SGK1: variants seen among roughly 807,000 people sequenced by gnomAD.
The protein encoded by SGK1 is serum/glucocorticoid regulated kinase 1.
In SGK1, 26 loss-of-function variants were observed where a neutral mutation model predicts 64.2. The observed-to-expected ratio is 0.40, with a 90% confidence interval of 0.30 to 0.56. The LOEUF is 0.56. SGK1 is among the 20% of genes least tolerant of loss of function. The probability of loss-of-function intolerance (pLI) is 0.38; values close to 1 mark genes in which losing one functional copy is unlikely to be tolerated. For missense variants in SGK1, 519 were observed against 645.6 expected (o/e 0.80, Z 2.12); for synonymous variants, 265 against 239.7 (o/e 1.11, Z -0.98).
At chr6:134,188,740 C>CT (rs529237115) in intron 3 of SGK1, among the ~76,000 whole-genome samples, 21 of 148,234 alleles carry the variant, frequency 1.4e-4, no homozygotes, top group Non-Finnish European at 2.2e-4. Context: ...GCCTGGCCAA[C>CT]TTTTTTTTTT....
intron 1 of SGK1, among the ~76,000 whole-genome samples, chr6:134,301,096 A>C (rs1470488213): frequency 6.6e-6 from 1 of 152,202 alleles, no homozygotes. Flanking sequence ...AAAAATCAAG[A>C]GTTGGGTTTT....
At chr6:134,244,069 C>T (rs1776488417) in intron 2 of SGK1, among the ~76,000 whole-genome samples, 1 of 152,054 alleles carries the variant, frequency 6.6e-6, no homozygotes, top group Non-Finnish European at 1.5e-5. Flanking sequence ...TGGTGATTTG[C>T]TGCACCCATC....
chr6:134,305,294 G>T (rs1777517383), intron 1 of SGK1, among the ~76,000 whole-genome samples: 1 of 149,344 alleles, frequency 6.7e-6, no homozygotes, highest in African/African-American at 2.5e-5. Flanking sequence ...CAGAGGCGGA[G>T]GTTGCAGTGA....
chr6:134,171,531 G>A, intron 11 of SGK1, 106 bp downstream of exon 11: 1 of 740,060 alleles, frequency 1.4e-6, no homozygotes, highest in Non-Finnish European at 2.3e-6. Context: ...AGCTGCTTTT[G>A]ATAAGCGTAC....
intron 1 of SGK1, chr6:134,283,245 C>A (rs1380773313): frequency 6.6e-6 from 1 of 151,830 alleles, no homozygotes; most frequent in African/African-American, 2.4e-5. Context: ...AATCCTAGCA[C>A]TTTGGGAGGC....
chr6:134,290,806 C>T (rs1777253223), intron 1 of SGK1, among the ~76,000 whole-genome samples: 1 of 152,194 alleles, frequency 6.6e-6, no homozygotes. Flanking sequence ...TGGGCCACCT[C>T]CTATAAACTA....
chr6:134,232,465 A>AAG (rs1491077458), intron 2 of SGK1, among the ~76,000 whole-genome samples: 11 of 58,244 alleles, frequency 1.9e-4, no homozygotes, highest in East Asian at 4.8e-4. Context: ...GAAAGAAAGA[A>AAG]AGAAAGAAAG....
intron 2 of SGK1, among the ~76,000 whole-genome samples, chr6:134,253,645 C>G (rs1776638576): frequency 6.6e-6 from 1 of 152,030 alleles, no homozygotes; most frequent in Non-Finnish European, 1.5e-5. Context: ...AGAGTGAGAC[C>G]TTGTCTCAAA....
chr6:134,244,601 G>A (rs1776496650), intron 2 of SGK1, among the ~76,000 whole-genome samples: 1 of 152,124 alleles, frequency 6.6e-6, no homozygotes, highest in African/African-American at 2.4e-5. Context: ...CCCGGGTAAG[G>A]CAACGCCCCC....
intron 2 of SGK1, among the ~76,000 whole-genome samples, chr6:134,220,458 C>G (rs901496101): frequency 1.3e-5 from 2 of 152,084 alleles, no homozygotes; most frequent in African/African-American, 4.8e-5. Context: ...TATTTTAGAG[C>G]GGAGTTGGTA....
chr6:134,243,810 T>A (rs189953086), intron 2 of SGK1, among the ~76,000 whole-genome samples: 1 of 152,348 alleles, frequency 6.6e-6, no homozygotes, highest in African/African-American at 2.4e-5. Flanking sequence ...CTCATCAATC[T>A]ATGGATAATT....
Position 134,248,388 on chromosome 6 carries a change from T to C in SGK1, c.285+13545A>G, listed in dbSNP as rs912842966. Among the ~76,000 whole-genome samples, 3 of 147,598 alleles carry C rather than the reference T, an allele frequency of 2.0e-5. No individual in the cohort carries two copies. In the South Asian group the frequency reaches 6.6e-4, roughly 33 times the overall value. ...CAAGGTCAATAATGTCATCTTCCCA[T>C]ACAGAGACAGATGACACACATGCAG... On this transcript the variant is annotated intron_variant, in intron 2 of 13. Coordinates refer to ENST00000367858, the MANE Select transcript of SGK1 (RefSeq NM_001143676.3).
intron 2 of SGK1, among the ~76,000 whole-genome samples, chr6:134,229,056 C>T (rs893030301): frequency 1.4e-4 from 21 of 152,172 alleles, no homozygotes; most frequent in African/African-American, 4.6e-4. Context: ...TGGTCTCGAT[C>T]TCCTGACCTC....
At chr6:134,272,741 A>G (rs1186956019) in intron 1 of SGK1, among the ~76,000 whole-genome samples, 2 of 148,130 alleles carry the variant, frequency 1.4e-5, no homozygotes, top group Middle Eastern at 3.4e-3. Flanking sequence ...TGTTCATTAA[A>G]TGGTATTTAT....
chr6:134,310,000 T>C lies in SGK1; in HGVS notation c.69+7392A>G, dbSNP rs1479761918. ...TAATTAAACTTTTCTATTGATCCAA[T>C]TCCCATTACTGTTCCTGCCTTTATG... On this transcript the variant is annotated intron_variant, in intron 1 of 13. Coordinates refer to ENST00000367858, the MANE Select transcript of SGK1 (RefSeq NM_001143676.3). 2.0e-5 allele frequency among the ~76,000 whole-genome samples: 3 copies of C among 152,222 alleles called. No individual in the cohort carries two copies. In the East Asian group the frequency reaches 5.8e-4, roughly 29 times the overall value.
chr6:134,309,496 G>C (rs4409196), intron 1 of SGK1, among the ~76,000 whole-genome samples: 29,044 of 152,126 alleles, frequency 0.19, 3,605 homozygotes, highest in East Asian at 0.55. Flanking sequence ...CCTGCTCTTA[G>C]ACCAAGGACC....
At chr6:134,174,318 A>G in intron 4 of SGK1, 193 bp downstream of exon 4, 2 of 608,138 alleles carry the variant, frequency 3.3e-6, no homozygotes, top group Non-Finnish European at 5.8e-6. Context: ...TTTATCTTAC[A>G]TCTCCAGTTC....
chr6:134,261,885 G>T (rs753772429), intron 2 of SGK1, 48 bp downstream of exon 2: 151 of 1,375,328 alleles, frequency 1.1e-4, no homozygotes, highest in Middle Eastern at 7.1e-4. Context: ...AAAAACAAAG[G>T]CCCAGAATTT....
At chr6:134,205,746 G>C (rs1001106187) in intron 3 of SGK1, among the ~76,000 whole-genome samples, 1 of 152,204 alleles carries the variant, frequency 6.6e-6, no homozygotes, top group African/African-American at 2.4e-5. Flanking sequence ...AAGGGATTGC[G>C]GCAAACACTA....
Sources: gnomAD v4.1 joint callset for allele counts (sites outside exome capture counted in the v4.1 genomes callset) on GRCh38, gnomAD v4.1.1 for gene constraint, MANE v1.5 for transcripts, NCBI Gene and HGNC (gene_info 2026-07-23, HGNC 2026-07-21) for gene names.